ALK: variants seen among roughly 807,000 people sequenced by gnomAD.
The protein encoded by ALK is ALK receptor tyrosine kinase, also known as ALK tyrosine kinase receptor.
In ALK, 74 loss-of-function variants were observed where a neutral mutation model predicts 163.1. The observed-to-expected ratio is 0.45, with a 90% CI of 0.38 to 0.55. ALK has a LOEUF of 0.55. Among genes scored for constraint, ALK ranks in the 20% least tolerant of loss-of-function variants. The pLI, the probability that ALK is intolerant of heterozygous loss-of-function variation, is 0.00. For synonymous variants in ALK, 960 were observed against 843.2 expected (o/e 1.14, Z -2.40); for missense variants, 2,063 against 2,105.3 (o/e 0.98, Z 0.39).
At chr2:29,759,903 C>T (rs1355943310) in intron 1 of ALK, among the ~76,000 whole-genome samples, 1 of 152,188 alleles carries the variant, frequency 6.6e-6, no homozygotes, top group Non-Finnish European at 1.5e-5. Flanking sequence ...GAAAGCAAAA[C>T]ATAATTACTC....
chr2:29,318,129 G>A (rs970035479), intron 8 of ALK, among the ~76,000 whole-genome samples, 175 bp downstream of exon 8: 2 of 152,176 alleles, frequency 1.3e-5, no homozygotes, highest in Non-Finnish European at 2.9e-5. Context: ...CTGTAGATAG[G>A]GCTTTACCAT....
chr2:29,690,498 C>A (rs976874361), intron 3 of ALK, among the ~76,000 whole-genome samples: 12 of 152,106 alleles, frequency 7.9e-5, no homozygotes, highest in African/African-American at 2.9e-4. Context: ...AGAGTAAAAT[C>A]TTGCCTTACT....
intron 5 of ALK, among the ~76,000 whole-genome samples, chr2:29,354,402 C>T (rs963199771): frequency 2.0e-5 from 3 of 152,202 alleles, no homozygotes; most frequent in African/African-American, 7.2e-5. Context: ...GAATTCAAGA[C>T]TGGGATAGTG....
intron 4 of ALK, among the ~76,000 whole-genome samples, chr2:29,424,068 C>T (rs1398073333): frequency 6.6e-6 from 1 of 151,870 alleles, no homozygotes; most frequent in African/African-American, 2.4e-5. Context: ...AATAAATTCA[C>T]GTTACATGGG....
At chr2:29,864,886 C>T (rs1021248638) in intron 1 of ALK, among the ~76,000 whole-genome samples, 1 of 152,170 alleles carries the variant, frequency 6.6e-6, no homozygotes, top group Non-Finnish European at 1.5e-5. Context: ...AGCAGTTAGA[C>T]ATGCAAGTCA....
At chr2:29,869,542 A>G (rs991621164) in intron 1 of ALK, among the ~76,000 whole-genome samples, 1 of 152,198 alleles carries the variant, frequency 6.6e-6, no homozygotes, top group Non-Finnish European at 1.5e-5. Context: ...TCAACACTGG[A>G]ACAATTGGTT....
intron 3 of ALK, among the ~76,000 whole-genome samples, chr2:29,619,007 A>T (rs1249480329): frequency 6.6e-6 from 1 of 152,152 alleles, no homozygotes; most frequent in East Asian, 1.9e-4. Context: ...AAATAAAAAA[A>T]AAAAACACTT....
rs770893847 is a variant in ALK at position 29,532,116 on chromosome 2, C to A, written c.953G>T (p.Gly318Val). The A allele has an allele frequency of 7.4e-6, 12 of 1,613,788 alleles. No homozygotes were observed. Among genetic ancestry groups the A allele is most frequent in the Non-Finnish European group, 9.3e-6 (11 of 1,179,930 alleles). Residue 318 changes from glycine (G) to valine (V), a missense_variant and splice_region_variant, in exon 4 of 29, where the codon GGC (glycine) becomes GTC (valine). Physicochemically the swap from Gly to Val is moderately radical, Grantham distance 109. Around this residue, in one of 5 missense-constraint regions of ALK, gnomAD observed 987 missense variants for 939.5 expected, o/e 1.05. Transcript: ENST00000389048. ...GAERSKEMPR[G>V]SFLLLNTSAD... ...TGAGGTGTTGAGAAGGAGAAAGGAG[C>A]CTGGAAAGAGACAGGGAAAACGAAT...
At chr2:29,533,776 T>C (rs374248443) in intron 3 of ALK, among the ~76,000 whole-genome samples, 2 of 152,192 alleles carry the variant, frequency 1.3e-5, no homozygotes, top group East Asian at 1.9e-4. Flanking sequence ...ACTCCAGGTC[T>C]GGCAGGGGTG....
chr2:29,214,555 T>G (rs1443140740), intron 23 of ALK, among the ~76,000 whole-genome samples: 1 of 152,224 alleles, frequency 6.6e-6, no homozygotes, highest in Non-Finnish European at 1.5e-5. Context: ...AAAACTAATT[T>G]TCTTCAAGCA....
At chr2:29,221,304 C>T in intron 22 of ALK, 1 of 491,338 alleles carries the variant, frequency 2.0e-6, no homozygotes, top group Non-Finnish European at 4.1e-6. Context: ...CCTCACGAGT[C>T]TATCAGTTTC....
intron 1 of ALK, among the ~76,000 whole-genome samples, chr2:29,786,839 T>C (rs1392087169): frequency 6.6e-6 from 1 of 152,228 alleles, no homozygotes; most frequent in Non-Finnish European, 1.5e-5. Context: ...TAGCCCAGGC[T>C]GGAGTGCAAC....
At chr2:29,666,142 G>A (rs185695431) in intron 3 of ALK, among the ~76,000 whole-genome samples, 46 of 151,998 alleles carry the variant, frequency 3.0e-4, no homozygotes, top group Admixed American at 2.5e-3. Flanking sequence ...ACTCTATTCC[G>A]TTAGTCTACT....
intron 1 of ALK, among the ~76,000 whole-genome samples, chr2:29,729,080 T>A (rs1453168900): frequency 6.6e-6 from 1 of 152,176 alleles, no homozygotes; most frequent in African/African-American, 2.4e-5. Context: ...TGGCCAACTT[T>A]CCTGCAGGGA....
chr2:29,391,308 G>GT (rs1204487771), intron 4 of ALK, among the ~76,000 whole-genome samples: 7 of 141,024 alleles, frequency 5.0e-5, no homozygotes, highest in South Asian at 2.4e-4. Flanking sequence ...TTTTTTTTGG[G>GT]GGGGGGGTGG....
chr2:29,421,196 T>C (rs1670007382), intron 4 of ALK, among the ~76,000 whole-genome samples: 1 of 151,560 alleles, frequency 6.6e-6, no homozygotes, highest in Non-Finnish European at 1.5e-5. Flanking sequence ...AAGGCCAACA[T>C]AGCAGTGAGT....
At chr2:29,405,835 C>T (rs1573325361) in intron 4 of ALK, among the ~76,000 whole-genome samples, 1 of 152,310 alleles carries the variant, frequency 6.6e-6, no homozygotes, top group East Asian at 1.9e-4. Context: ...TAATGCCCTT[C>T]TGGTACTTAG....
chr2:29,625,544 A>G (rs942579093), intron 3 of ALK, among the ~76,000 whole-genome samples: 1 of 152,336 alleles, frequency 6.6e-6, no homozygotes, highest in Non-Finnish European at 1.5e-5. Context: ...CAGAGAACCA[A>G]GCAGTAAGTA....
intron 11 of ALK, among the ~76,000 whole-genome samples, chr2:29,257,457 TAAAC>T (rs1414433933): frequency 3.8e-4 from 58 of 152,086 alleles, no homozygotes; most frequent in African/African-American, 1.4e-3. Flanking sequence ...CAATTAGTAA[TAAAC>T]AGTACATCGC....
Sources: allele counts gnomAD v4.1 joint callset (sites outside exome capture counted in the v4.1 genomes callset), GRCh38; gene constraint gnomAD v4.1.1; regional missense constraint gnomAD v4.1.1; transcripts MANE v1.5; gene names NCBI Gene and HGNC (gene_info 2026-07-23, HGNC 2026-07-21).